CMKLR2: variants seen among roughly 807,000 people sequenced by gnomAD.
CMKLR2 encodes chemerin-like receptor 2.
Under a neutral mutation model 23.0 loss-of-function variants are expected in CMKLR2, and 18 were observed. That is an observed-to-expected ratio of 0.78 (90% confidence interval 0.54 to 1.16). The LOEUF is 1.16. Among genes scored for constraint, CMKLR2 ranks in the 50% most tolerant of loss-of-function variants. CMKLR2 has a pLI of 0.00. For synonymous variants in CMKLR2, 158 were observed against 158.9 expected (o/e 0.99, Z 0.05); for missense variants, 401 against 412.7 (o/e 0.97, Z 0.25).
chr2:206,187,817 T>C (rs943867208), intron 1 of CMKLR2, among the ~76,000 whole-genome samples: 2 of 151,992 alleles, frequency 1.3e-5, no homozygotes, highest in African/African-American at 4.8e-5. Context: ...CAGAGGTGAA[T>C]AGGAGGGATG....
intron 1 of CMKLR2, among the ~76,000 whole-genome samples, chr2:206,180,046 A>G (rs1688362232): frequency 6.6e-6 from 1 of 152,240 alleles, no homozygotes; most frequent in Non-Finnish European, 1.5e-5. Context: ...GTTCTTCAAT[A>G]TTCAATTCAA....
chr2:206,198,288 T>C (rs1009970809), intron 1 of CMKLR2, among the ~76,000 whole-genome samples: 1 of 152,220 alleles, frequency 6.6e-6, no homozygotes, highest in Admixed American at 6.5e-5. Context: ...TCCTGTGTGC[T>C]GAAAAAGCAC....
intron 1 of CMKLR2, among the ~76,000 whole-genome samples, chr2:206,209,944 G>A (rs1410628538): frequency 4.7e-5 from 7 of 150,332 alleles, no homozygotes; most frequent in Admixed American, 6.6e-5. Context: ...CACTGCGCCC[G>A]GCCCTTTTCT....
intron 1 of CMKLR2, among the ~76,000 whole-genome samples, chr2:206,198,611 A>G (rs1392309711): frequency 2.0e-5 from 3 of 152,232 alleles, no homozygotes; most frequent in Non-Finnish European, 4.4e-5. Context: ...GAACAAAAAT[A>G]TAGATCAAGG....
chr2:206,200,016 T>C (rs948141957), intron 1 of CMKLR2, among the ~76,000 whole-genome samples: 2 of 152,242 alleles, frequency 1.3e-5, no homozygotes, highest in African/African-American at 2.4e-5. Flanking sequence ...AGCTGTATAG[T>C]AAGTCATTTT....
Position 206,176,625 on chromosome 2 carries a change from CAA to C in CMKLR2, c.621_622del (p.Trp208GlyfsTer35), listed in dbSNP as rs1195415543. The C allele has an allele frequency of 6.2e-7, 1 of 1,614,018 alleles. No homozygotes were observed. Among genetic ancestry groups the C allele is most frequent in the Non-Finnish European group, 8.5e-7 (1 of 1,180,042 alleles). The stretch of plus-strand genomic sequence containing the variant: ...GAGATAGCCAATGATAAATTTCACC[CAA>C]GTCAGAACATGGTGCCTGATCAAAG... On this transcript the variant is annotated frameshift_variant, in exon 2 of 2. Transcript: ENST00000621141. LOFTEE classifies it high-confidence loss of function.
upstream of CMKLR2, among the ~76,000 whole-genome samples, chr2:206,214,286 G>A (rs1318774203): frequency 6.7e-6 from 1 of 148,984 alleles, no homozygotes; most frequent in African/African-American, 2.5e-5. Context: ...ATTATCCTGC[G>A]TCAGCCTCCC....
intron 1 of CMKLR2, among the ~76,000 whole-genome samples, chr2:206,197,892 T>C (rs1484424525): frequency 6.6e-6 from 1 of 152,182 alleles, no homozygotes; most frequent in Non-Finnish European, 1.5e-5. Flanking sequence ...TTAAAACAAA[T>C]GACAGCCATT....
chr2:206,194,832 C>A (rs1270518519), intron 1 of CMKLR2, among the ~76,000 whole-genome samples: 1 of 146,004 alleles, frequency 6.8e-6, no homozygotes, highest in African/African-American at 2.6e-5. Context: ...CGGCTCACTG[C>A]AAGCTCTGCC....
At chr2:206,198,325 A>G (rs1384426898) in intron 1 of CMKLR2, among the ~76,000 whole-genome samples, 1 of 152,194 alleles carries the variant, frequency 6.6e-6, no homozygotes, top group Non-Finnish European at 1.5e-5. Flanking sequence ...TGGTTCTAAA[A>G]TGTAGCTCTG....
chr2:206,194,232 G>T (rs561417634), intron 1 of CMKLR2, among the ~76,000 whole-genome samples: 1 of 152,292 alleles, frequency 6.6e-6, no homozygotes, highest in Admixed American at 6.5e-5. Flanking sequence ...AGCAAAAGGA[G>T]GGGGAGGAGG....
chr2:206,182,908 G>A (rs903985064), intron 1 of CMKLR2, among the ~76,000 whole-genome samples: 4 of 151,822 alleles, frequency 2.6e-5, no homozygotes, highest in African/African-American at 4.8e-5. Context: ...GTGAGCCACC[G>A]CACCTGGCTG....
intron 1 of CMKLR2, among the ~76,000 whole-genome samples, chr2:206,199,330 G>A (rs945936446): frequency 1.3e-5 from 2 of 152,186 alleles, no homozygotes; most frequent in Non-Finnish European, 2.9e-5. Flanking sequence ...AGCCTCGGAG[G>A]TGGAGGTTGC....
chr2:206,195,215 A>T (rs1031263182), intron 1 of CMKLR2, among the ~76,000 whole-genome samples: 1 of 152,080 alleles, frequency 6.6e-6, no homozygotes, highest in African/African-American at 2.4e-5. Flanking sequence ...AAAAGAAAGA[A>T]CTCTGCAGGG....
At chr2:206,207,037 G>A (rs1331155369) in intron 1 of CMKLR2, among the ~76,000 whole-genome samples, 1 of 150,380 alleles carries the variant, frequency 6.6e-6, no homozygotes, top group Non-Finnish European at 1.5e-5. Context: ...CAGCACTTCT[G>A]ACTGACAACA....
upstream of CMKLR2, among the ~76,000 whole-genome samples, chr2:206,216,576 C>T (rs975370353): frequency 2.0e-5 from 3 of 152,172 alleles, no homozygotes; most frequent in African/African-American, 7.2e-5. Flanking sequence ...GCCACCATGC[C>T]TGGTCTCAAC....
chr2:206,191,244 G>A (rs1195920185), intron 1 of CMKLR2, among the ~76,000 whole-genome samples: 1 of 152,142 alleles, frequency 6.6e-6, no homozygotes, highest in Non-Finnish European at 1.5e-5. Context: ...AACTCATGGG[G>A]TTGCTGTAAT....
At chr2:206,198,587 T>G (rs1574320264) in intron 1 of CMKLR2, among the ~76,000 whole-genome samples, 1 of 152,246 alleles carries the variant, frequency 6.6e-6, no homozygotes, top group South Asian at 2.1e-4. Context: ...CAGTAAATGG[T>G]TTTTTGCACA....
rs936910418 is a variant in CMKLR2 at position 206,197,056 on chromosome 2, C to T, written c.-29+16251G>A. Among the ~76,000 whole-genome samples the T allele has an allele frequency of 3.3e-5, 5 of 152,082 alleles. 1 individual carries two copies. Among genetic ancestry groups the T allele is most frequent in the Admixed American group, 1.3e-4 (2 of 15,250 alleles). On this transcript the variant is annotated intron_variant, in intron 1 of 1. Coordinates refer to ENST00000621141, the MANE Select transcript of CMKLR2 (RefSeq NM_001389445.1). ...TTCCGAGTAGCTGGGACTACAGGTG[C>T]GCACCACCACGCCCAGCTAATTTTT...
Sources: gnomAD v4.1 joint callset for allele counts (sites outside exome capture counted in the v4.1 genomes callset) on GRCh38, gnomAD v4.1.1 for gene constraint, MANE v1.5 for transcripts, NCBI Gene and HGNC (gene_info 2026-07-23, HGNC 2026-07-21) for gene names.